Variants in KIF21A observed in about 807,000 individuals in gnomAD.
The protein encoded by KIF21A is kinesin family member 21A, also known as kinesin-like protein KIF21A.
Under a neutral mutation model 202.9 loss-of-function variants are expected in KIF21A, and 114 were observed. The observed-to-expected ratio is 0.56, with a 90% CI of 0.48 to 0.66. KIF21A has a LOEUF of 0.66. Ranked by LOEUF, KIF21A falls within the 30% of genes least tolerant of loss-of-function variation. KIF21A has a pLI of 0.00. For missense variants in KIF21A, 1,677 were observed against 1,994.9 expected, an observed-to-expected ratio of 0.84 and a Z score of 3.04; for synonymous variants, 667 against 670.8, an observed-to-expected ratio of 0.99 and a Z score of 0.09.
At chr12:39,368,255 G>A (rs1592372652) in intron 3 of KIF21A, among the ~76,000 whole-genome samples, 1 of 152,210 alleles carries the variant, frequency 6.6e-6, no homozygotes, top group African/African-American at 2.4e-5. Flanking sequence ...ACTTAATCAT[G>A]ACTAATGGGT....
intron 3 of KIF21A, among the ~76,000 whole-genome samples, chr12:39,368,689 T>C (rs1162208161): frequency 1.3e-5 from 2 of 152,110 alleles, no homozygotes; most frequent in African/African-American, 4.8e-5. Context: ...TACATAGTTA[T>C]ATTCTCTTTG....
At chr12:39,435,746 GT>G (rs1938600523) in intron 1 of KIF21A, among the ~76,000 whole-genome samples, 1 of 151,806 alleles carries the variant, frequency 6.6e-6, no homozygotes, top group Non-Finnish European at 1.5e-5. Context: ...GTCTGTTGGA[GT>G]AAAGTATTAA....
intron 1 of KIF21A, among the ~76,000 whole-genome samples, chr12:39,421,746 C>T (rs1592678878): frequency 7.3e-6 from 1 of 137,634 alleles, no homozygotes; most frequent in African/African-American, 2.7e-5. Flanking sequence ...TATATATACA[C>T]ATACACACAT....
Position 39,360,034 on chromosome 12 carries a change from T to C in KIF21A, c.1020-1661A>G, listed in dbSNP as rs530706129. On this transcript the variant is annotated intron_variant, in intron 7 of 37. Transcript: ENST00000361418. ...AAGGGAAGGACTCGCCTTTAACAAA[T>C]ATTTTGAGAAGTGCTGGGATCAAGG... Among the ~76,000 whole-genome samples, 9 of 152,224 alleles carry C rather than the reference T, an allele frequency of 5.9e-5. No homozygotes were observed. The East Asian group carries it at 1.7e-3, about 29-fold the overall frequency.
rs572062566 is a variant in KIF21A at position 39,369,469 on chromosome 12, T to TG, written c.450+259dup. Reference sequence around the variant, plus strand: ...AATGAGACTCTTATCTCCAAAAAAATGGGGGGGGTTCTTAAATAAACAATA... The same window carrying TG: ...AATGAGACTCTTATCTCCAAAAAAATGGGGGGGGGTTCTTAAATAAACAATA... On this transcript the variant is annotated intron_variant, in intron 3 of 37. Transcript: ENST00000361418. Among the ~76,000 whole-genome samples, 465 of 151,604 alleles carry TG rather than the reference T, an allele frequency of 3.1e-3. 2 individuals carry two copies. The highest frequency in any genetic ancestry group is 0.01 in the African/African-American group (426 of 41,338).
At position 39,307,689 on chromosome 12, in the gene KIF21A, T is replaced by G; in HGVS notation, c.4318A>C (p.Ser1440Arg). 2 of 1,614,100 alleles carry G rather than the reference T, an allele frequency of 1.2e-6. No individual in the cohort carries two copies. The highest frequency in any genetic ancestry group is 8.5e-7 in the Non-Finnish European group (1 of 1,179,964). ...QVTLGDACSA[S>R]TSRTVAIPSG... ...GGAATAGCTACTGTTCGACTGGTAC[T>G]TGCAGAACAAGCATCTCCAAGAGTA... Residue 1440 changes from serine (S) to arginine (R), a missense_variant, in exon 34 of 38, where the codon AGT becomes CGT. This residue lies in a region of KIF21A where 705 missense variants were observed against 791.9 expected (regional missense o/e 0.89). Transcript: ENST00000361418.
intron 1 of KIF21A, among the ~76,000 whole-genome samples, chr12:39,407,825 C>G (rs1019510145): frequency 6.6e-6 from 1 of 151,754 alleles, no homozygotes; most frequent in African/African-American, 2.4e-5. Context: ...TTCCAAAAAA[C>G]AAACAAAAAT....
chr12:39,332,487 C>CAAAAAAA, intron 20 of KIF21A, 79 bp from the exon 21 acceptor site: 1 of 1,492,854 alleles, frequency 6.7e-7, no homozygotes, highest in Non-Finnish European at 9.3e-7. Context: ...CCCCACCCCC[C>CAAAAAAA]AAAAAAAACT....
Position 39,416,893 on chromosome 12 carries a change from G to GTA in KIF21A, c.44+26032_44+26033dup, listed in dbSNP as rs200247223. ...TATAGATATGTACATATATATATGT[G>GTA]TATATATATATGTACACACACACAC... On this transcript the variant is annotated intron_variant, in intron 1 of 37. Coordinates refer to ENST00000361418, the MANE Select transcript of KIF21A (RefSeq NM_001173464.2). Among the ~76,000 whole-genome samples, 910 of 146,128 alleles carry GTA rather than the reference G, an allele frequency of 6.2e-3. 8 individuals are homozygous for GTA. The highest frequency in any genetic ancestry group is 0.02 in the African/African-American group (802 of 39,662).
chr12:39,322,538 C>A (rs1051375766), intron 27 of KIF21A, 130 bp downstream of exon 27: 3 of 696,920 alleles, frequency 4.3e-6, no homozygotes, highest in Non-Finnish European at 7.1e-6. Flanking sequence ...CAACACCTAG[C>A]AAATTATTTC....
intron 1 of KIF21A, among the ~76,000 whole-genome samples, chr12:39,390,025 A>G (rs1247674644): frequency 6.6e-6 from 1 of 152,124 alleles, no homozygotes; most frequent in African/African-American, 2.4e-5. Context: ...TCTCCCACAC[A>G]CACTTTCAAC....
At chr12:39,436,933 A>G (rs1365002752) in intron 1 of KIF21A, among the ~76,000 whole-genome samples, 1 of 152,174 alleles carries the variant, frequency 6.6e-6, no homozygotes, top group African/African-American at 2.4e-5. Context: ...GCAAACAAAT[A>G]CTATCATCTG....
At chr12:39,341,913 A>G in intron 13 of KIF21A, 121 bp downstream of exon 13, 1 of 749,496 alleles carries the variant, frequency 1.3e-6, no homozygotes, top group East Asian at 2.7e-5. Context: ...TCAAAGAAAT[A>G]GATTAAACAG....
intron 11 of KIF21A, among the ~76,000 whole-genome samples, chr12:39,347,301 CAT>C (rs1306344729): frequency 6.7e-6 from 1 of 149,892 alleles, no homozygotes; most frequent in Non-Finnish European, 1.5e-5. Flanking sequence ...TTTTAAGAAA[CAT>C]ATAAGAAATA....
At chr12:39,390,289 A>G (rs1951253655) in intron 1 of KIF21A, among the ~76,000 whole-genome samples, 1 of 152,202 alleles carries the variant, frequency 6.6e-6, no homozygotes, top group Non-Finnish European at 1.5e-5. Flanking sequence ...CATTCCCATT[A>G]TATTTTCATA....
Position 39,309,651 on chromosome 12 carries a change from A to G in KIF21A, c.4212T>C (p.Thr1404=). Residue 1404 remains threonine, a synonymous_variant, in exon 33 of 38, where the codon ACT becomes ACC. Coordinates refer to ENST00000361418, the MANE Select transcript of KIF21A (RefSeq NM_001173464.2). ...KYCNYTSLVF[T]VSTSYIKVWD... is the part of the protein sequence containing the mutation. ...ACACCTTAATATAAGATGTTGATAC[A>G]GTGAAGACCAAACTGGTATAATTAC... 2 of 1,613,308 alleles carry G rather than the reference A, an allele frequency of 1.2e-6. No individual in the cohort carries two copies. The highest frequency in any genetic ancestry group is 1.7e-6 in the Non-Finnish European group (2 of 1,179,568).
chr12:39,328,317 G>A (rs1446628690), intron 24 of KIF21A, among the ~76,000 whole-genome samples: 2 of 152,108 alleles, frequency 1.3e-5, no homozygotes, highest in African/African-American at 4.8e-5. Flanking sequence ...GGACTTTCCT[G>A]GACATAAACA....
In KIF21A at chr12:39,357,347, G is replaced by T; in HGVS notation, c.1306C>A (p.Arg436Ser). 3 of 1,613,828 alleles carry T rather than the reference G, an allele frequency of 1.9e-6. No homozygotes were observed. The South Asian group carries it at 3.3e-5, about 18-fold the overall frequency. Residue 436 changes from arginine to serine, a missense_variant, in exon 9 of 38, where the codon CGT (arginine) becomes AGT (serine). Physicochemically the swap from Arg to Ser is moderately radical, Grantham distance 110. Around this residue, in one of 3 missense-constraint regions of KIF21A, gnomAD observed 966 missense variants for 1,180.9 expected, o/e 0.82. Transcript: ENST00000361418. The stretch of plus-strand genomic sequence containing the variant: ...TCTTGCATGGCTTTAATTCTTACAC[G>T]CAGGTTATTATTTTCAGTCTGTAGC... ...AMLQTENNNLRVRIKAMQETV... is the reference protein window; with the variant it reads ...AMLQTENNNLSVRIKAMQETV...
At chr12:39,315,091 G>C in intron 31 of KIF21A, 138 bp downstream of exon 31, 1 of 797,008 alleles carries the variant, frequency 1.3e-6, no homozygotes, top group Non-Finnish European at 2.2e-6. Context: ...CAAGTTTAAG[G>C]TTAAATATGG....
Sources: gnomAD v4.1 joint callset for allele counts (sites outside exome capture counted in the v4.1 genomes callset) on GRCh38, gnomAD v4.1.1 for gene constraint, gnomAD v4.1.1 regional missense constraint, MANE v1.5 for transcripts, NCBI Gene and HGNC (gene_info 2026-07-23, HGNC 2026-07-21) for gene names.